LRRC9: variants seen among roughly 807,000 people sequenced by gnomAD.
The protein encoded by LRRC9 is leucine rich repeat containing 9, also known as leucine-rich repeat-containing protein 9.
In LRRC9, 122 loss-of-function variants were observed where a neutral mutation model predicts 63.2. That is an observed-to-expected ratio of 1.93 (90% CI 1.67 to 2.24). LRRC9 has a LOEUF of 2.24. Ranked by LOEUF, LRRC9 falls within the 30% of genes most tolerant of loss-of-function variation. The pLI is 0.00. For synonymous variants in LRRC9, 366 were observed against 213.1 expected, an observed-to-expected ratio of 1.72 and a Z score of -6.25; for missense variants, 1,071 against 627.7, an observed-to-expected ratio of 1.71 and a Z score of -7.55.
chr14:60,065,372 G>A (rs1894859649), downstream of LRRC9, among the ~76,000 whole-genome samples: 1 of 151,580 alleles, frequency 6.6e-6, no homozygotes, highest in South Asian at 2.1e-4. Flanking sequence ...ACCACGCCAG[G>A]TGCAGTGGTT....
chr14:59,946,197 A>G (rs1368195516), intron 8 of LRRC9, among the ~76,000 whole-genome samples: 1 of 151,430 alleles, frequency 6.6e-6, no homozygotes, highest in East Asian at 1.9e-4. Flanking sequence ...AGCTATTAAT[A>G]TTAAAAACCA....
chr14:59,991,870 G>T (rs900419535), intron 17 of LRRC9, among the ~76,000 whole-genome samples: 1 of 152,216 alleles, frequency 6.6e-6, no homozygotes, highest in South Asian at 2.1e-4. Flanking sequence ...TGCCTCTGTA[G>T]ACTCCACCTC....
chr14:60,012,355 G>A (rs1394408999), intron 23 of LRRC9, among the ~76,000 whole-genome samples: 1 of 152,144 alleles, frequency 6.6e-6, no homozygotes, highest in Non-Finnish European at 1.5e-5. Context: ...TGGAGTGGGA[G>A]TAGAAACCAA....
rs200757459 is a variant in LRRC9, at chr14:59,942,777, TC to T, written c.727-1811del. Among the ~76,000 whole-genome samples the T allele has an allele frequency of 0.015, 2,282 of 148,362 alleles. 60 individuals are homozygous for T. The highest frequency in any genetic ancestry group is 0.064 in the East Asian group (325 of 5,092). On this transcript the variant is annotated intron_variant, in intron 7 of 31. Transcript: ENST00000445360. This position sits in a 1 kb window ranked among gnomAD's most constrained non-coding sequence, Gnocchi z 5.3. ...GCATCCTCGCCAGCATCTCTCTCTC[TC>T]TTTTTTTTTTCTGTCTTTTTGATAA...
intron 10 of LRRC9, among the ~76,000 whole-genome samples, chr14:59,963,079 T>C (rs1248966161): frequency 9.2e-5 from 14 of 152,218 alleles, no homozygotes; most frequent in Non-Finnish European, 1.6e-4. Context: ...TTCTAGTTGT[T>C]TTATTTAAAC....
intron 27 of LRRC9, among the ~76,000 whole-genome samples, chr14:60,024,696 T>C (rs1432350797): frequency 1.3e-5 from 2 of 152,014 alleles, no homozygotes; most frequent in African/African-American, 4.8e-5. Context: ...TATTTTAGAT[T>C]CAAGGGGTAC....
intron 17 of LRRC9, among the ~76,000 whole-genome samples, chr14:59,988,120 T>G (rs1594949987): frequency 3.3e-5 from 5 of 152,354 alleles, no homozygotes; most frequent in Admixed American, 3.3e-4. Context: ...TAATGGCCTT[T>G]GATAGCTTAT....
intron 15 of LRRC9, among the ~76,000 whole-genome samples, chr14:59,979,235 C>CA (rs1314633607): frequency 6.6e-6 from 1 of 151,964 alleles, no homozygotes; most frequent in Non-Finnish European, 1.5e-5. Context: ...CTTGTCTCTA[C>CA]AAAAAACTTT....
intron 29 of LRRC9, among the ~76,000 whole-genome samples, chr14:60,038,854 A>G (rs953149853): frequency 6.6e-6 from 1 of 152,196 alleles, no homozygotes; most frequent in Non-Finnish European, 1.5e-5. Flanking sequence ...CAGTTTTCAA[A>G]GGGAATGCTT....
chr14:60,006,661 GTTTC>G (rs1889833976), intron 22 of LRRC9, 44 bp downstream of exon 22: 3 of 560,110 alleles, frequency 5.4e-6, no homozygotes, highest in East Asian at 3.0e-5. Flanking sequence ...AACATGTATT[GTTTC>G]TTTATATTAT....
intron 8 of LRRC9, among the ~76,000 whole-genome samples, chr14:59,954,345 G>T: frequency 6.6e-6 from 1 of 152,118 alleles, no homozygotes; most frequent in East Asian, 1.9e-4. Context: ...TCCTTGAGCA[G>T]TGGTTTGTAG....
intron 8 of LRRC9, among the ~76,000 whole-genome samples, chr14:59,946,426 G>A (rs897701946): frequency 1.3e-5 from 2 of 150,700 alleles, no homozygotes; most frequent in Non-Finnish European, 3.0e-5. Context: ...ATCTGCAAAT[G>A]AGAAAAATAA....
In LRRC9 at chr14:60,062,260, A is replaced by T. The variant is rs575169633; in HGVS notation, c.4277-1063A>T. The T allele has an allele frequency of 4.8e-5, 19 of 396,774 alleles. No individual in the cohort carries two copies. The East Asian group carries it at 6.8e-4, about 14-fold the overall frequency. The allele number at this position is 396,774 out of a possible 1,614,324, so 24.6% of individuals were successfully genotyped here. A position where few individuals can be genotyped will look rare whatever the true frequency, so the allele number is the denominator to read the frequency against. ...TCCATATTTGCTAGTCATGTATAAC[A>T]GGAAATATTGTTATGTACTATTATA... On this transcript the variant is annotated intron_variant, in intron 31 of 31. Transcript: ENST00000445360.
intron 29 of LRRC9, among the ~76,000 whole-genome samples, chr14:60,041,762 T>C (rs917466246): frequency 3.3e-5 from 5 of 152,238 alleles, no homozygotes; most frequent in Middle Eastern, 3.2e-3. Context: ...TCAAAGTCAT[T>C]CTCCATCCAG....
chr14:60,001,046 C>T (rs1333766996), intron 19 of LRRC9, among the ~76,000 whole-genome samples: 1 of 152,068 alleles, frequency 6.6e-6, no homozygotes, highest in African/African-American at 2.4e-5. Flanking sequence ...CCAATTTTTG[C>T]CAGTTTTATA....
At chr14:59,925,648 C>T (rs1889149587) in intron 1 of LRRC9, among the ~76,000 whole-genome samples, 1 of 152,208 alleles carries the variant, frequency 6.6e-6, no homozygotes, top group South Asian at 2.1e-4. Flanking sequence ...AGTACAAATA[C>T]AGACTGTGTG....
chr14:59,990,593 G>A lies in LRRC9; in HGVS notation c.2211+5369G>A, dbSNP rs1452792882. ...GCTAATTAAAAAAAAAAACAATTTT[G>A]TAGAGATGGGGTTTCACTATGGTGC... On this transcript the variant is annotated intron_variant, in intron 17 of 31. Transcript: ENST00000445360. The surrounding 1 kb of genome is among the most constrained non-coding windows in gnomAD (Gnocchi z 4.2). Among the ~76,000 whole-genome samples, 3 of 151,658 alleles carry A rather than the reference G, an allele frequency of 2.0e-5. No individual in the cohort carries two copies. The highest frequency in any genetic ancestry group is 2.0e-4 in the Admixed American group (3 of 15,212).
chr14:60,046,145 A>G lies in LRRC9; in HGVS notation c.3991-6920A>G, dbSNP rs142043929. On this transcript the variant is annotated intron_variant, in intron 29 of 31. Transcript: ENST00000445360. Reference sequence around the variant, plus strand: ...TTGCTTTTTTCTTGTAAATTTGTTTAAGTTCCTTGTAGACTCTGAATATTA... The same window carrying G: ...TTGCTTTTTTCTTGTAAATTTGTTTGAGTTCCTTGTAGACTCTGAATATTA... Among the ~76,000 whole-genome samples the G allele has an allele frequency of 7.0e-3, 1,067 of 152,162 alleles. 15 individuals are homozygous for G. Among genetic ancestry groups the G allele is most frequent in the African/African-American group, 0.025 (1,041 of 41,510 alleles).
At position 59,958,506 on chromosome 14, in the gene LRRC9, A is replaced by G. The variant is rs954025871; in HGVS notation, c.883-1312A>G. Among the ~76,000 whole-genome samples, 1 of 152,226 alleles carries G rather than the reference A, an allele frequency of 6.6e-6. No individual in the cohort carries two copies. The highest frequency in any genetic ancestry group is 1.5e-5 in the Non-Finnish European group (1 of 68,040). On this transcript the variant is annotated intron_variant, in intron 8 of 31. Coordinates refer to ENST00000445360, the Ensembl canonical transcript of LRRC9. The surrounding 1 kb of genome is among the most constrained non-coding windows in gnomAD (Gnocchi z 4.0). ...AGCTCAATCGACCCAGGTCGACTTC[A>G]GACTGCTGTGCTGGCAGCGAGAATT... is the stretch of plus-strand genomic sequence containing the variant.
Sources: gnomAD v4.1 joint callset for allele counts (sites outside exome capture counted in the v4.1 genomes callset) on GRCh38, gnomAD v4.1.1 for gene constraint, Gnocchi (gnomAD v3.1) non-coding constraint, MANE v1.5 for transcripts, NCBI Gene and HGNC (gene_info 2026-07-23, HGNC 2026-07-21) for gene names.